Variants in VWA8 observed in about 807,000 individuals in gnomAD.
VWA8 encodes the protein von Willebrand factor A domain containing 8.
In VWA8, 221 loss-of-function variants were observed where a neutral mutation model predicts 241.5. That is an observed-to-expected ratio of 0.91 (90% CI 0.82 to 1.02). The LOEUF is 1.02. Among genes scored for constraint, VWA8 ranks in the 50% least tolerant of loss-of-function variants. VWA8 has a pLI of 0.00. For synonymous variants in VWA8, 852 were observed against 827.1 expected, an observed-to-expected ratio of 1.03 and a Z score of -0.52; for missense variants, 2,322 against 2,328.7, an observed-to-expected ratio of 1.00 and a Z score of 0.06.
chr13:41,740,282 G>A (rs573139115), intron 21 of VWA8, among the ~76,000 whole-genome samples: 9 of 152,180 alleles, frequency 5.9e-5, no homozygotes, highest in Middle Eastern at 3.4e-3. Flanking sequence ...ATTTGATGTA[G>A]ATTTTTTTAA....
intron 35 of VWA8, among the ~76,000 whole-genome samples, chr13:41,677,667 T>A (rs1004333192): frequency 6.6e-6 from 1 of 152,144 alleles, no homozygotes; most frequent in Non-Finnish European, 1.5e-5. Flanking sequence ...GGCCACCAAG[T>A]TCTCTTAAAA....
intron 37 of VWA8, among the ~76,000 whole-genome samples, chr13:41,616,874 G>A (rs1473290134): frequency 6.6e-6 from 1 of 152,160 alleles, no homozygotes; most frequent in Non-Finnish European, 1.5e-5. Context: ...CCTGTTTAGA[G>A]ATCTTTGCAG....
intron 19 of VWA8, 88 bp downstream of exon 19, chr13:41,783,707 A>G (rs1023396324): frequency 7.5e-6 from 7 of 938,418 alleles, no homozygotes; most frequent in Non-Finnish European, 1.1e-5. Context: ...GGAAATCACA[A>G]AAATAATTAC....
chr13:41,619,673 G>C lies in VWA8; in HGVS notation c.4612-4589C>G, dbSNP rs769451000. Among the ~76,000 whole-genome samples, 6 of 152,130 alleles carry C rather than the reference G, an allele frequency of 3.9e-5. No homozygotes were observed. In the East Asian group the frequency reaches 1.2e-3, roughly 29 times the overall value. On this transcript the variant is annotated intron_variant, in intron 37 of 44. Transcript: ENST00000379310. ...ATATCTAGTTTATTGAGAGTTTTTA[G>C]CATGAAGGAGTGTTGAATTTTGTCG...
At chr13:41,609,282 CTCAT>C (rs1277620794) in intron 39 of VWA8, among the ~76,000 whole-genome samples, 1 of 152,184 alleles carries the variant, frequency 6.6e-6, no homozygotes, top group Non-Finnish European at 1.5e-5. Context: ...GGGAACCGAC[CTCAT>C]TCTGCATATG....
At chr13:41,681,303 C>T (rs1404550387) in intron 35 of VWA8, among the ~76,000 whole-genome samples, 1 of 152,074 alleles carries the variant, frequency 6.6e-6, no homozygotes, top group Non-Finnish European at 1.5e-5. Flanking sequence ...TCCCTTACTA[C>T]AAAACTTCTT....
At chr13:41,624,509 G>T (rs1007082890) in intron 37 of VWA8, among the ~76,000 whole-genome samples, 1 of 152,136 alleles carries the variant, frequency 6.6e-6, no homozygotes, top group Non-Finnish European at 1.5e-5. Context: ...GGGATGCAAG[G>T]CTGGTTCAAC....
intron 2 of VWA8, among the ~76,000 whole-genome samples, chr13:41,920,604 GA>G (rs1464277717): frequency 1.3e-5 from 2 of 151,952 alleles, no homozygotes; most frequent in Non-Finnish European, 2.9e-5. Context: ...TGATAAAGGG[GA>G]TATTACCACC....
chr13:41,776,094 T>C (rs17062543), intron 20 of VWA8, among the ~76,000 whole-genome samples: 2,002 of 152,268 alleles, frequency 0.013, 23 homozygotes, highest in Middle Eastern at 0.051. Context: ...CCTCTAGGGA[T>C]CTTCCTTTTA....
intron 9 of VWA8, among the ~76,000 whole-genome samples, chr13:41,880,727 T>C (rs575236555): frequency 3.9e-5 from 6 of 152,296 alleles, no homozygotes; most frequent in African/African-American, 7.2e-5. Flanking sequence ...ACATACATCA[T>C]GAACTCTCAG....
intron 12 of VWA8, among the ~76,000 whole-genome samples, chr13:41,844,201 T>C (rs1462351152): frequency 6.6e-6 from 1 of 152,164 alleles, no homozygotes; most frequent in Non-Finnish European, 1.5e-5. Flanking sequence ...TCAATAAATA[T>C]GATCACCACA....
intron 12 of VWA8, among the ~76,000 whole-genome samples, chr13:41,853,424 T>A (rs558755962): frequency 5.6e-4 from 86 of 152,270 alleles, no homozygotes; most frequent in African/African-American, 2.0e-3. Flanking sequence ...TCTTTTTCTA[T>A]TTTTTTAAAA....
chr13:41,719,500 A>C, intron 26 of VWA8, 91 bp downstream of exon 26: 1 of 1,588,536 alleles, frequency 6.3e-7, no homozygotes, highest in Non-Finnish European at 8.5e-7. Flanking sequence ...CATGGAAAGT[A>C]ATTTCCATAG....
chr13:41,784,697 C>CATATACAT (rs1355266984), intron 18 of VWA8, among the ~76,000 whole-genome samples: 56 of 57,004 alleles, frequency 9.8e-4, no homozygotes, highest in South Asian at 2.9e-3. Flanking sequence ...TATACATATA[C>CATATACAT]ATATATATAT....
At chr13:41,898,017 A>T (rs767926425) in intron 4 of VWA8, among the ~76,000 whole-genome samples, 4 of 152,022 alleles carry the variant, frequency 2.6e-5, no homozygotes, top group Non-Finnish European at 4.4e-5. Context: ...GATTAGCTAG[A>T]TACAGTGTTG....
At chr13:41,583,318 C>T (rs2044395410) in intron 42 of VWA8, among the ~76,000 whole-genome samples, 1 of 152,040 alleles carries the variant, frequency 6.6e-6, no homozygotes, top group African/African-American at 2.4e-5. Flanking sequence ...TTAAATGGCA[C>T]CATGAGAAAG....
Position 41,573,610 on chromosome 13 carries a change from C to CACATAT in VWA8, c.5370+2129_5370+2130insATATGT, listed in dbSNP as rs1555303639. 7.6e-4 allele frequency among the ~76,000 whole-genome samples: 107 copies of CACATAT among 140,184 alleles called. 1 individual carries two copies. The highest frequency in any genetic ancestry group is 2.9e-3 in the African/African-American group (105 of 35,698). 92.0% of individuals were successfully genotyped at this position (140,184 alleles called of 152,430 possible). ...ATATATATACACCTCTATATATACG[C>CACATAT]ATATATATGGTGTGTGTGTGTGTGA... On this transcript the variant is annotated intron_variant, in intron 43 of 44. Coordinates refer to ENST00000379310, the MANE Select transcript of VWA8 (RefSeq NM_015058.2).
rs1566416694 is a variant in VWA8 at position 41,691,355 on chromosome 13, C to T, written c.3831G>A (p.Glu1277=). Residue 1277 remains glutamate, a synonymous_variant, in exon 32 of 45, where the codon GAG becomes GAA. Transcript: ENST00000379310. The part of the protein sequence containing the change: ...INLKTVFLVA[E]DKWLLVESKT... ...TGCTCTCCACCAGAAGCCATTTGTC[C>T]TCTGCTACAAGGAAAACTGTCTTGA... 1 of 1,612,580 alleles carries T rather than the reference C, an allele frequency of 6.2e-7. No homozygotes were observed. The highest frequency in any genetic ancestry group is 8.5e-7 in the Non-Finnish European group (1 of 1,178,938).
Position 41,567,939 on chromosome 13 carries a change from C to A in VWA8, c.*258G>T, listed in dbSNP as rs753280495. 2.8e-6 allele frequency: 1 copy of A among 356,060 alleles called. No homozygotes were observed. The highest frequency in any genetic ancestry group is 7.3e-4 in the Middle Eastern group (1 of 1,370). 22.1% of individuals were successfully genotyped at this position (356,060 alleles called of 1,614,324 possible). Reference sequence around the variant, plus strand: ...CAAAACCACCTTCCTTTAACCCCAACCTTTGATAAAGTGCAGGTCAACTAG... The same window carrying A: ...CAAAACCACCTTCCTTTAACCCCAAACTTTGATAAAGTGCAGGTCAACTAG... On this transcript the variant is annotated 3_prime_UTR_variant, in exon 45 of 45. Coordinates refer to ENST00000379310, the MANE Select transcript of VWA8 (RefSeq NM_015058.2).
Sources: gnomAD v4.1 joint callset for allele counts (sites outside exome capture counted in the v4.1 genomes callset) on GRCh38, gnomAD v4.1.1 for gene constraint, MANE v1.5 for transcripts, NCBI Gene and HGNC (gene_info 2026-07-23, HGNC 2026-07-21) for gene names.